The following CDYL variants were observed in gnomAD, a reference collection of about 807,000 sequenced individuals.
CDYL encodes chromodomain Y-like protein.
Under a neutral mutation model 47.3 loss-of-function variants are expected in CDYL, and 8 were observed. The observed-to-expected ratio is 0.17, with a 90% CI of 0.10 to 0.31. The LOEUF is 0.31. Ranked by LOEUF, CDYL falls within the 10% of genes least tolerant of loss-of-function variation. CDYL has a pLI of 1.00. For missense variants in CDYL, 471 were observed against 701.4 expected, an observed-to-expected ratio of 0.67 and a Z score of 3.71; for synonymous variants, 266 against 265.0, an observed-to-expected ratio of 1.00 and a Z score of -0.04.
At chr6:4,723,205 A>T (rs1757404901) in intron 2 of CDYL, among the ~76,000 whole-genome samples, 1 of 152,204 alleles carries the variant, frequency 6.6e-6, no homozygotes, top group African/African-American at 2.4e-5. Context: ...TTTACATGGC[A>T]GTAGATATTA....
chr6:4,714,387 C>T (rs1276460819), intron 1 of CDYL: 1 of 152,220 alleles, frequency 6.6e-6, no homozygotes, highest in African/African-American at 2.4e-5. Context: ...TGCAGTGTCT[C>T]ATCCAAACAA....
intron 1 of CDYL, among the ~76,000 whole-genome samples, chr6:4,712,858 T>C (rs1403668711): frequency 6.6e-6 from 1 of 152,202 alleles, no homozygotes; most frequent in Non-Finnish European, 1.5e-5. Context: ...ACCAAGTATG[T>C]ACCAAGTATG....
At chr6:4,928,119 T>G (rs1344664990) in intron 2 of CDYL, among the ~76,000 whole-genome samples, 1 of 152,170 alleles carries the variant, frequency 6.6e-6, no homozygotes, top group Non-Finnish European at 1.5e-5. Flanking sequence ...TTCAAAAAAA[T>G]TTTAGCTTGT....
At chr6:4,706,172 A>T (rs950040993) in exon 1 of CDYL, 1 of 152,110 alleles carries the variant, frequency 6.6e-6, no homozygotes, top group Non-Finnish European at 1.5e-5. Flanking sequence ...GAGAGGACCT[A>T]TTTCTACCTA....
At chr6:4,788,480 C>CAAAAAAAAAAAAAAAA (rs1220969716) in intron 1 of CDYL, among the ~76,000 whole-genome samples, 42 of 61,064 alleles carry the variant, frequency 6.9e-4, no homozygotes, top group African/African-American at 2.0e-3. Flanking sequence ...GAGACTCTGT[C>CAAAAAAAAAAAAAAAA]AAAAAAAAAA....
intron 1 of CDYL, among the ~76,000 whole-genome samples, chr6:4,818,986 T>C (rs1759748039): frequency 6.6e-6 from 1 of 151,916 alleles, no homozygotes. Flanking sequence ...TGTAGGTCCC[T>C]GTGAATTGGG....
intron 4 of CDYL, among the ~76,000 whole-genome samples, 170 bp from the exon 5 acceptor site, chr6:4,943,376 G>A (rs76046745): frequency 0.019 from 2,949 of 152,238 alleles, 85 homozygotes; most frequent in African/African-American, 0.067. Context: ...TTTACAACAC[G>A]TAGTAAATAA....
intron 1 of CDYL, among the ~76,000 whole-genome samples, chr6:4,856,755 C>T (rs1337087905): frequency 6.6e-6 from 1 of 152,166 alleles, no homozygotes; most frequent in Non-Finnish European, 1.5e-5. Context: ...CTGGGGGGAA[C>T]TTCAGGATCT....
intron 2 of CDYL, among the ~76,000 whole-genome samples, chr6:4,912,325 C>T (rs942466738): frequency 2.6e-5 from 4 of 152,186 alleles, no homozygotes; most frequent in Non-Finnish European, 4.4e-5. Context: ...TAGGATAACA[C>T]GGCCGCTTCT....
In CDYL at chr6:4,849,844, C is replaced by T. The variant is rs191334077; in HGVS notation, c.25-41869C>T. Among the ~76,000 whole-genome samples the T allele has an allele frequency of 8.0e-3, 1,163 of 146,194 alleles. 15 individuals are homozygous for T. The highest frequency in any genetic ancestry group is 0.028 in the African/African-American group (1,123 of 39,554). On this transcript the variant is annotated intron_variant, in intron 1 of 6. Coordinates refer to ENST00000397588, the MANE Select transcript of CDYL (RefSeq NM_004824.4). Reference sequence around the variant, plus strand: ...GAAGCTCACATGTAGACCACAAACACAGAAAGAAAACACAGTGTGTTTGAT... The same window carrying T: ...GAAGCTCACATGTAGACCACAAACATAGAAAGAAAACACAGTGTGTTTGAT...
chr6:4,835,122 G>A (rs575229900), intron 1 of CDYL, among the ~76,000 whole-genome samples: 91 of 152,288 alleles, frequency 6.0e-4, no homozygotes, highest in East Asian at 7.7e-4. Flanking sequence ...GAGGAACTGC[G>A]ATCCTTTGGA....
At chr6:4,952,090 C>G (rs576911245) in intron 5 of CDYL, among the ~76,000 whole-genome samples, 176 bp from the exon 6 acceptor site, 8 of 152,296 alleles carry the variant, frequency 5.3e-5, no homozygotes, top group African/African-American at 1.9e-4. Flanking sequence ...TCCCACCTGC[C>G]CAATGGACTG....
intron 1 of CDYL, among the ~76,000 whole-genome samples, chr6:4,833,959 A>G (rs1202094135): frequency 7.9e-5 from 12 of 151,616 alleles, no homozygotes; most frequent in East Asian, 3.9e-4. Context: ...TTTTGAGCCT[A>G]TGTGTGTCTC....
intron 1 of CDYL, among the ~76,000 whole-genome samples, chr6:4,803,488 T>A (rs1180736800): frequency 6.6e-6 from 1 of 152,224 alleles, no homozygotes; most frequent in Non-Finnish European, 1.5e-5. Context: ...GCCTGGGGCA[T>A]GGATGAGAAT....
At chr6:4,716,367 T>C (rs547839527) in intron 2 of CDYL, among the ~76,000 whole-genome samples, 50 of 152,306 alleles carry the variant, frequency 3.3e-4, no homozygotes, top group South Asian at 1.0e-3. Context: ...CAAGCTCTCC[T>C]CTTTTTTCAT....
chr6:4,868,326 T>G (rs1761379791), intron 1 of CDYL, among the ~76,000 whole-genome samples: 1 of 151,980 alleles, frequency 6.6e-6, no homozygotes, highest in Non-Finnish European at 1.5e-5. Flanking sequence ...TCTAAATACT[T>G]TCTAATTTTC....
At chr6:4,717,544 A>G (rs1029202429) in intron 2 of CDYL, among the ~76,000 whole-genome samples, 1 of 151,772 alleles carries the variant, frequency 6.6e-6, no homozygotes, top group African/African-American at 2.4e-5. Flanking sequence ...AAAAAAAATT[A>G]AAAATTAGCT....
chr6:4,945,982 C>A (rs915640871), intron 5 of CDYL, among the ~76,000 whole-genome samples: 1 of 152,260 alleles, frequency 6.6e-6, no homozygotes, highest in Non-Finnish European at 1.5e-5. Flanking sequence ...TATGCCCATG[C>A]CTGTTGGAGC....
chr6:4,947,855 G>T lies in CDYL; in HGVS notation c.1332+4099G>T, dbSNP rs149273480. On this transcript the variant is annotated intron_variant, in intron 5 of 6. Transcript: ENST00000397588. ...TCCCGGTGCCCCACTGCAGTTGGCC[G>T]TGGGGTTGGCGGCCCTGGGAAGAGC... 1.5e-3 allele frequency among the ~76,000 whole-genome samples: 235 copies of T among 152,308 alleles called. 1 individual carries two copies. The highest frequency in any genetic ancestry group is 5.4e-3 in the African/African-American group (224 of 41,566).
Sources: gnomAD v4.1 joint callset for allele counts (sites outside exome capture counted in the v4.1 genomes callset) on GRCh38, gnomAD v4.1.1 for gene constraint, MANE v1.5 for transcripts, NCBI Gene and HGNC (gene_info 2026-07-23, HGNC 2026-07-21) for gene names.